Variants in FANCL observed in about 807,000 individuals in gnomAD.
FANCL encodes the protein FA complementation group L.
FANCL carries 69 observed loss-of-function variants against 59.4 expected under a neutral mutation model. The observed-to-expected ratio is 1.16, with a 90% confidence interval of 0.96 to 1.42. The LOEUF is 1.42. Among genes scored for constraint, FANCL ranks in the 40% most tolerant of loss-of-function variants. The pLI is 0.00. For missense variants in FANCL, 519 were observed against 447.2 expected (o/e 1.16, Z -1.45); for synonymous variants, 180 against 147.1 (o/e 1.22, Z -1.62).
At chr2:58,237,877 G>A (rs376229390) in intron 1 of FANCL, among the ~76,000 whole-genome samples, 1 of 152,172 alleles carries the variant, frequency 6.6e-6, no homozygotes. Context: ...AGATTAAAGA[G>A]AATGTGCATC....
At chr2:58,202,589 A>T (rs1045073288) in intron 6 of FANCL, among the ~76,000 whole-genome samples, 1 of 151,832 alleles carries the variant, frequency 6.6e-6, no homozygotes, top group Admixed American at 6.6e-5. Context: ...TTTTGCAAGA[A>T]TATCTATAAA....
chr2:58,178,397 T>C (rs185763808), intron 7 of FANCL, among the ~76,000 whole-genome samples: 9 of 152,248 alleles, frequency 5.9e-5, no homozygotes, highest in Non-Finnish European at 7.4e-5. Context: ...TCAAGTTGGT[T>C]TCAACCCTAG....
intron 1 of FANCL, among the ~76,000 whole-genome samples, chr2:58,232,372 GTCAC>G (rs1693666866): frequency 1.3e-5 from 2 of 151,936 alleles, no homozygotes. Context: ...TAAAGAGAAA[GTCAC>G]TCACAAACAC....
intron 11 of FANCL, 93 bp downstream of exon 11, chr2:58,162,773 C>T: frequency 9.0e-7 from 1 of 1,105,446 alleles, no homozygotes; most frequent in Non-Finnish European, 1.4e-6. Flanking sequence ...TTTTCTAATT[C>T]CCTCCTTTTT....
intron 13 of FANCL, 135 bp from the exon 14 acceptor site, chr2:58,159,935 G>A (rs1558726592): frequency 9.8e-6 from 15 of 1,528,780 alleles, no homozygotes; most frequent in Non-Finnish European, 1.2e-5. Context: ...AGATCACCTA[G>A]GAAATCTAGA....
intron 4 of FANCL, among the ~76,000 whole-genome samples, chr2:58,225,827 A>G (rs1692944381): frequency 6.6e-6 from 1 of 152,076 alleles, no homozygotes; most frequent in Non-Finnish European, 1.5e-5. Context: ...ATGAATAAAA[A>G]GGGTGAGGTA....
chr2:58,219,044 A>G (rs1344432186), intron 5 of FANCL, among the ~76,000 whole-genome samples: 1 of 150,026 alleles, frequency 6.7e-6, no homozygotes, highest in Non-Finnish European at 1.5e-5. Flanking sequence ...CCACTCACAA[A>G]TAAAAGCAAC....
intron 7 of FANCL, among the ~76,000 whole-genome samples, chr2:58,172,542 T>A (rs575699463): frequency 6.6e-6 from 1 of 152,296 alleles, no homozygotes; most frequent in African/African-American, 2.4e-5. Context: ...GCTGAGGGTC[T>A]CTGTTAACAG....
chr2:58,160,481 A>C (rs1684984558), intron 12 of FANCL, among the ~76,000 whole-genome samples: 1 of 152,036 alleles, frequency 6.6e-6, no homozygotes, highest in Admixed American at 6.6e-5. Flanking sequence ...ATAGACATAC[A>C]TAAAAATAAT....
At chr2:58,189,594 G>A (rs1688727740) in intron 7 of FANCL, among the ~76,000 whole-genome samples, 2 of 152,104 alleles carry the variant, frequency 1.3e-5, no homozygotes, top group African/African-American at 2.4e-5. Context: ...ATTATGTTGA[G>A]CTAGGAAAGC....
At chr2:58,225,582 C>G (rs937570510) in intron 4 of FANCL, among the ~76,000 whole-genome samples, 28 of 151,850 alleles carry the variant, frequency 1.8e-4, no homozygotes, top group African/African-American at 6.8e-4. Flanking sequence ...AAAACAGGAA[C>G]CAAGGAACCA....
At position 58,229,806 on chromosome 2, in the gene FANCL, G is replaced by T; in HGVS notation, c.216+8C>A. ...ACTGAAAACATAAACCTTTTAAAAAGGACTTACCTGTTGTACTATTCGATG... is the reference window on the plus strand; with the variant it reads ...ACTGAAAACATAAACCTTTTAAAAATGACTTACCTGTTGTACTATTCGATG... On this transcript the variant is annotated splice_region_variant and intron_variant, in intron 3 of 13. Coordinates refer to ENST00000233741, the MANE Select transcript of FANCL (RefSeq NM_018062.4). The T allele has an allele frequency of 6.3e-7, 1 of 1,596,728 alleles. No homozygotes were observed. The highest frequency in any genetic ancestry group is 8.6e-7 in the Non-Finnish European group (1 of 1,164,474).
At chr2:58,185,636 C>T (rs79887952) in intron 7 of FANCL, among the ~76,000 whole-genome samples, 2,204 of 152,166 alleles carry the variant, frequency 0.014, 53 homozygotes, top group African/African-American at 0.049. Flanking sequence ...TCAAAGACCC[C>T]GATAATTAAG....
chr2:58,187,069 A>G (rs1309809155), intron 7 of FANCL, among the ~76,000 whole-genome samples: 1 of 152,170 alleles, frequency 6.6e-6, no homozygotes, highest in Non-Finnish European at 1.5e-5. Context: ...GACTGGGTAT[A>G]TACCCAAAGG....
chr2:58,178,610 C>G (rs1687606097), intron 7 of FANCL, among the ~76,000 whole-genome samples: 1 of 152,076 alleles, frequency 6.6e-6, no homozygotes, highest in Non-Finnish European at 1.5e-5. Context: ...TTATGACAAA[C>G]CCACAGTCAA....
At chr2:58,204,438 G>A (rs1300719008) in intron 5 of FANCL, among the ~76,000 whole-genome samples, 1 of 151,980 alleles carries the variant, frequency 6.6e-6, no homozygotes, top group Admixed American at 6.6e-5. Flanking sequence ...ATATATCTCT[G>A]GATTATTTAC....
intron 2 of FANCL, among the ~76,000 whole-genome samples, chr2:58,230,425 C>G (rs961311135): frequency 2.6e-5 from 4 of 152,140 alleles, no homozygotes; most frequent in African/African-American, 9.7e-5. Flanking sequence ...GCCTCAGCCT[C>G]TCAAGTAGCT....
chr2:58,165,101 G>A (rs1316809183), intron 8 of FANCL, among the ~76,000 whole-genome samples: 2 of 152,040 alleles, frequency 1.3e-5, no homozygotes, highest in Admixed American at 1.3e-4. Flanking sequence ...CTTGAGAAAG[G>A]CTGAAGTCAC....
chr2:58,201,992 A>T (rs1194683747), intron 6 of FANCL, among the ~76,000 whole-genome samples: 1 of 151,844 alleles, frequency 6.6e-6, no homozygotes, highest in Non-Finnish European at 1.5e-5. Flanking sequence ...CATTCCACTT[A>T]AAACTTAGTT....
Sources: gnomAD v4.1 joint callset for allele counts (sites outside exome capture counted in the v4.1 genomes callset) on GRCh38, gnomAD v4.1.1 for gene constraint, MANE v1.5 for transcripts, NCBI Gene and HGNC (gene_info 2026-07-23, HGNC 2026-07-21) for gene names.